ATP8B4: variants seen among roughly 807,000 people sequenced by gnomAD.
ATP8B4 encodes probable phospholipid-transporting ATPase IM.
ATP8B4 carries 133 observed loss-of-function variants against 145.6 expected under a neutral mutation model. The observed-to-expected ratio is 0.91, with a 90% CI of 0.79 to 1.05. ATP8B4 has a LOEUF of 1.05. ATP8B4 is among the 50% of genes least tolerant of loss of function. The pLI, the probability that ATP8B4 is intolerant of heterozygous loss-of-function variation, is 0.00. For synonymous variants in ATP8B4, 507 were observed against 492.9 expected, an observed-to-expected ratio of 1.03 and a Z score of -0.38; for missense variants, 1,458 against 1,425.2, an observed-to-expected ratio of 1.02 and a Z score of -0.37.
chr15:50,082,755 G>A (rs545297517), intron 2 of ATP8B4, among the ~76,000 whole-genome samples: 1 of 152,252 alleles, frequency 6.6e-6, no homozygotes, highest in South Asian at 2.1e-4. Flanking sequence ...AATAGTAATA[G>A]CTAACATTAA....
intron 4 of ATP8B4, among the ~76,000 whole-genome samples, chr15:50,046,308 A>ACT (rs1003589797): frequency 1.4e-4 from 21 of 146,696 alleles, no homozygotes; most frequent in Non-Finnish European, 2.6e-4. Context: ...TCTCTGCCCC[A>ACT]CTCTCTCTCT....
At chr15:50,078,145 A>G (rs1236268105) in intron 2 of ATP8B4, among the ~76,000 whole-genome samples, 1 of 151,898 alleles carries the variant, frequency 6.6e-6, no homozygotes, top group East Asian at 1.9e-4. Context: ...CCTTGAATAT[A>G]TATACATAGA....
At chr15:49,979,835 G>C in intron 11 of ATP8B4, 22 bp from the exon 12 acceptor site, 1 of 1,501,558 alleles carries the variant, frequency 6.7e-7, no homozygotes, top group Non-Finnish European at 9.1e-7. Context: ...TAGAAGTGTG[G>C]TTAAGGTTAA....
chr15:49,964,869 T>C (rs1389133369), intron 13 of ATP8B4, among the ~76,000 whole-genome samples: 1 of 152,186 alleles, frequency 6.6e-6, no homozygotes, highest in East Asian at 1.9e-4. Flanking sequence ...TAGAAGTGAT[T>C]GTATTATTAG....
intron 23 of ATP8B4, among the ~76,000 whole-genome samples, chr15:49,888,536 A>G (rs887836701): frequency 2.6e-5 from 4 of 152,208 alleles, no homozygotes; most frequent in Non-Finnish European, 5.9e-5. Context: ...TTTAAGCATG[A>G]ATTTTCTAAA....
At chr15:49,881,967 T>A (rs560391385) in intron 23 of ATP8B4, among the ~76,000 whole-genome samples, 1 of 152,322 alleles carries the variant, frequency 6.6e-6, no homozygotes, top group African/African-American at 2.4e-5. Flanking sequence ...GACTCTATGT[T>A]TATTTCCTTC....
intron 1 of ATP8B4, among the ~76,000 whole-genome samples, chr15:50,179,181 T>A (rs1300786437): frequency 1.3e-5 from 2 of 152,212 alleles, no homozygotes. Context: ...TAATACCTAA[T>A]AATGTTTGGT....
At chr15:49,963,198 T>C (rs535277646) in intron 13 of ATP8B4, among the ~76,000 whole-genome samples, 11 of 152,106 alleles carry the variant, frequency 7.2e-5, no homozygotes, top group Admixed American at 4.6e-4. Context: ...TGTAGAGAAA[T>C]GCAAATCAAA....
intron 14 of ATP8B4, among the ~76,000 whole-genome samples, chr15:49,953,889 C>A (rs559341491): frequency 2.2e-4 from 34 of 152,284 alleles, no homozygotes; most frequent in Middle Eastern, 3.4e-3. Flanking sequence ...GGCTGGGTAG[C>A]GTGCTCACTC....
chr15:50,085,877 T>TTATATCA (rs1555484290), intron 2 of ATP8B4, among the ~76,000 whole-genome samples: 458 of 34,702 alleles, frequency 0.013, 22 homozygotes, highest in Non-Finnish European at 0.019. Context: ...TCATATATAT[T>TTATATCA]TATATATTTA....
chr15:50,163,852 T>A (rs1405659248), intron 1 of ATP8B4, among the ~76,000 whole-genome samples: 1 of 152,062 alleles, frequency 6.6e-6, no homozygotes, highest in Non-Finnish European at 1.5e-5. Flanking sequence ...CAAGACAAAG[T>A]CCTTCCCCTT....
intron 3 of ATP8B4, among the ~76,000 whole-genome samples, chr15:50,071,400 G>A (rs1373722064): frequency 6.6e-6 from 1 of 152,046 alleles, no homozygotes; most frequent in Non-Finnish European, 1.5e-5. Context: ...CACTTTACAA[G>A]GCACAAACGA....
At chr15:50,076,790 T>C (rs62021714) in intron 2 of ATP8B4, among the ~76,000 whole-genome samples, 16,751 of 152,214 alleles carry the variant, frequency 0.11, 1,333 homozygotes, top group East Asian at 0.25. Flanking sequence ...GGCAGAAAAT[T>C]TAGCATCCCT....
chr15:50,140,209 GAA>G (rs956568024), intron 1 of ATP8B4, among the ~76,000 whole-genome samples: 11 of 152,102 alleles, frequency 7.2e-5, no homozygotes, highest in Non-Finnish European at 1.6e-4. Flanking sequence ...AAAAGAATAA[GAA>G]AGATGAGTAC....
At chr15:49,973,803 T>C (rs2045405115) in intron 12 of ATP8B4, among the ~76,000 whole-genome samples, 1 of 152,228 alleles carries the variant, frequency 6.6e-6, no homozygotes, top group Non-Finnish European at 1.5e-5. Context: ...CATAAGTTTC[T>C]ACCATCAGAT....
chr15:50,065,489 C>A (rs563935451), intron 3 of ATP8B4, among the ~76,000 whole-genome samples: 3 of 152,022 alleles, frequency 2.0e-5, no homozygotes, highest in Non-Finnish European at 2.9e-5. Context: ...GGTTTTTTTC[C>A]GTTAACCTCT....
At chr15:50,026,479 A>G (rs555346321) in intron 6 of ATP8B4, among the ~76,000 whole-genome samples, 23 of 152,356 alleles carry the variant, frequency 1.5e-4, no homozygotes, top group Admixed American at 4.6e-4. Context: ...GTGCAGAAGT[A>G]CTGACCAGTG....
intron 7 of ATP8B4, among the ~76,000 whole-genome samples, chr15:50,003,206 A>G (rs1415270532): frequency 2.6e-5 from 4 of 151,914 alleles, no homozygotes; most frequent in Admixed American, 1.3e-4. Context: ...TGGGGGTTAA[A>G]TTTAGAATCA....
At chr15:50,105,379 G>A (rs1358581647) in intron 2 of ATP8B4, among the ~76,000 whole-genome samples, 8 of 152,002 alleles carry the variant, frequency 5.3e-5, no homozygotes, top group African/African-American at 1.9e-4. Flanking sequence ...GTATAATTAA[G>A]GTGAAGGGTT....
Sources: gnomAD v4.1 joint callset for allele counts (sites outside exome capture counted in the v4.1 genomes callset) on GRCh38, gnomAD v4.1.1 for gene constraint, MANE v1.5 for transcripts, NCBI Gene and HGNC (gene_info 2026-07-23, HGNC 2026-07-21) for gene names.